The following TG variants were observed in gnomAD, a reference collection of about 807,000 sequenced individuals.
TG encodes thyroglobulin, also known as thyroid hormones.
TG carries 270 observed loss-of-function variants against 324.7 expected under a neutral mutation model. The ratio of observed to expected loss-of-function variants is 0.83; its 90% CI spans 0.75 to 0.92. TG has a LOEUF of 0.92. Among genes scored for constraint, TG ranks in the 40% least tolerant of loss-of-function variants. The pLI, the probability that TG is intolerant of heterozygous loss-of-function variation, is 0.00. For missense variants in TG, 3,591 were observed against 3,456.4 expected, an observed-to-expected ratio of 1.04 and a Z score of -0.98; for synonymous variants, 1,401 against 1,327.0, an observed-to-expected ratio of 1.06 and a Z score of -1.21.
In TG at chr8:133,095,108, C is replaced by T; in HGVS notation, c.7304C>T (p.Ala2435Val). ...SHERAQQQAIALAKEVSCPMS... is the reference protein window; with the variant it reads ...SHERAQQQAIVLAKEVSCPMS... ...GAGAGGGCTCAGCAGCAGGCAATTG[C>T]TTTGGCAAAGGAGGTCAGTTGCCCC... The change falls in exon 42 of 48, where the codon GCT (alanine) becomes GTT (valine). Residue 2435 changes from alanine to valine, a missense_variant. Physicochemically the swap from Ala to Val is moderately conservative, Grantham distance 64. Coordinates refer to ENST00000220616, the MANE Select transcript of TG (RefSeq NM_003235.5). 1.2e-6 allele frequency: 2 copies of T among 1,614,220 alleles called. No homozygotes were observed. Among genetic ancestry groups the T allele is most frequent in the Non-Finnish European group, 1.7e-6 (2 of 1,180,040 alleles).
intron 41 of TG, among the ~76,000 whole-genome samples, chr8:133,042,032 C>A (rs1469084125): frequency 6.6e-6 from 1 of 151,812 alleles, no homozygotes; most frequent in Non-Finnish European, 1.5e-5. Flanking sequence ...CATGATCCAC[C>A]CACCTCAGCC....
chr8:132,980,611 A>G (rs1327707846), intron 34 of TG, among the ~76,000 whole-genome samples: 1 of 152,170 alleles, frequency 6.6e-6, no homozygotes, highest in African/African-American at 2.4e-5. Flanking sequence ...GAGACCCCCA[A>G]TTTATATGGT....
At chr8:133,029,258 A>T (rs1836394759) in intron 40 of TG, among the ~76,000 whole-genome samples, 1 of 152,146 alleles carries the variant, frequency 6.6e-6, no homozygotes, top group Non-Finnish European at 1.5e-5. Flanking sequence ...TTGAGTTTTC[A>T]ACAAATGTTA....
intron 27 of TG, among the ~76,000 whole-genome samples, chr8:132,951,657 A>AG (rs949297062): frequency 2.1e-4 from 32 of 152,240 alleles, no homozygotes; most frequent in African/African-American, 7.7e-4. Context: ...GGCTTTAAGA[A>AG]GTGTGCACTA....
intron 41 of TG, among the ~76,000 whole-genome samples, chr8:133,083,731 G>A (rs1281424054): frequency 6.6e-6 from 1 of 152,090 alleles, no homozygotes; most frequent in East Asian, 1.9e-4. Flanking sequence ...ATTTGAAGAG[G>A]ATTTGAAGAG....
At chr8:133,038,415 A>G (rs1837474440) in intron 41 of TG, 1 of 841,634 alleles carries the variant, frequency 1.2e-6, no homozygotes, top group Admixed American at 2.0e-5. Context: ...CTTGGCTTCT[A>G]AAATACGTGA....
At chr8:132,899,748 A>G (rs770314082) in intron 14 of TG, among the ~76,000 whole-genome samples, 12 of 152,214 alleles carry the variant, frequency 7.9e-5, no homozygotes, top group Non-Finnish European at 1.3e-4. Flanking sequence ...GGTAGAAGCC[A>G]CAATGTCCGA....
intron 21 of TG, among the ~76,000 whole-genome samples, chr8:132,922,858 C>G (rs1453055355): frequency 6.6e-6 from 1 of 152,198 alleles, no homozygotes; most frequent in Non-Finnish European, 1.5e-5. Flanking sequence ...AAAGGCACCA[C>G]CTGCTAATAC....
intron 41 of TG, among the ~76,000 whole-genome samples, chr8:133,061,783 T>A (rs182030075): frequency 1.7e-3 from 259 of 152,262 alleles, no homozygotes; most frequent in Non-Finnish European, 3.2e-3. Context: ...CCTGTCTCCA[T>A]GCCCTATGTG....
chr8:132,961,934 A>G (rs540148932), intron 28 of TG, among the ~76,000 whole-genome samples: 1 of 152,324 alleles, frequency 6.6e-6, no homozygotes, highest in African/African-American at 2.4e-5. Context: ...GTTCCTATCA[A>G]TCCCCATTCA....
intron 45 of TG, among the ~76,000 whole-genome samples, chr8:133,125,098 G>A (rs1304811177): frequency 2.0e-5 from 3 of 152,186 alleles, no homozygotes; most frequent in Non-Finnish European, 4.4e-5. Flanking sequence ...ACATTGATTT[G>A]ACAGAGATTT....
At chr8:133,075,212 G>A (rs1299044628) in intron 41 of TG, 1 of 790,674 alleles carries the variant, frequency 1.3e-6, no homozygotes, top group Non-Finnish European at 1.5e-6. Context: ...TGGAATTTCA[G>A]AAGCTTGGTC....
Position 132,908,187 on chromosome 8 carries a change from G to T in TG, c.3849G>T (p.Arg1283=), listed in dbSNP as rs776143223. The change falls in exon 18 of 48, where the codon CGG becomes CGT. Residue 1283 remains arginine (R), a splice_region_variant and synonymous_variant. Coordinates refer to ENST00000220616, the MANE Select transcript of TG (RefSeq NM_003235.5). The part of the protein sequence containing the change: ...SQLPQPRACQ[R]PQLWQTIQTQ... ...CTGATCTCTGGTGCTTGCCTGCAGGGCCCCAGCTGTGGCAGACCATCCAGA... is the reference window on the plus strand; with the variant it reads ...CTGATCTCTGGTGCTTGCCTGCAGGTCCCCAGCTGTGGCAGACCATCCAGA... 1.2e-6 allele frequency: 2 copies of T among 1,613,822 alleles called. No homozygotes were observed. Among genetic ancestry groups the T allele is most frequent in the Admixed American group, 1.7e-5 (1 of 60,014 alleles).
intron 41 of TG, among the ~76,000 whole-genome samples, chr8:133,082,407 T>C (rs1845890745): frequency 6.6e-6 from 1 of 152,318 alleles, no homozygotes; most frequent in Admixed American, 6.5e-5. Context: ...GAAAAAAATC[T>C]TTCCCTCCTT....
rs1471808050 is a variant in TG at position 132,935,783 on chromosome 8, G to A, written c.4960G>A (p.Ala1654Thr). The change falls in exon 25 of 48, where the codon GCC (alanine) becomes ACC (threonine). Residue 1654 changes from alanine to threonine, a missense_variant. Physicochemically the swap from Ala to Thr is moderately conservative, Grantham distance 58. Transcript: ENST00000220616. ...QKRDALGNSK[A>T]TSFGSLRCQV... ...ACGAGATGCACTGGGGAACTCAAAG[G>A]CCACCAGCTTTGGAAGTCTTCGCTG... is the stretch of plus-strand genomic sequence containing the variant. The A allele has an allele frequency of 6.2e-7, 1 of 1,612,822 alleles. No homozygotes were observed. The highest frequency in any genetic ancestry group is 1.3e-5 in the African/African-American group (1 of 74,894).
chr8:133,006,423 G>A (rs1011457251), intron 35 of TG, among the ~76,000 whole-genome samples: 9 of 152,230 alleles, frequency 5.9e-5, no homozygotes, highest in Admixed American at 4.6e-4. Context: ...TTTCTCAAGA[G>A]AATCTGATGC....
chr8:132,913,409 C>T, intron 20 of TG, 144 bp downstream of exon 20: 1 of 823,298 alleles, frequency 1.2e-6, no homozygotes, highest in Non-Finnish European at 2.0e-6. Flanking sequence ...TTTCAATCAT[C>T]TACTATGCAT....
intron 41 of TG, among the ~76,000 whole-genome samples, chr8:133,089,632 G>A (rs1847181094): frequency 6.6e-6 from 1 of 152,144 alleles, no homozygotes; most frequent in African/African-American, 2.4e-5. Flanking sequence ...TCATTTAGAA[G>A]TCACTGGTCC....
intron 8 of TG, among the ~76,000 whole-genome samples, chr8:132,884,310 C>T (rs911644660): frequency 2.0e-5 from 3 of 152,122 alleles, no homozygotes; most frequent in Admixed American, 6.5e-5. Flanking sequence ...ATTAGGCATT[C>T]GAGCCAGACC....
Sources: allele counts gnomAD v4.1 joint callset (sites outside exome capture counted in the v4.1 genomes callset), GRCh38; gene constraint gnomAD v4.1.1; transcripts MANE v1.5; gene names NCBI Gene and HGNC (gene_info 2026-07-23, HGNC 2026-07-21).